The following TBCD variants were observed in gnomAD, a reference collection of about 807,000 sequenced individuals.
The protein encoded by TBCD is tubulin-specific chaperone D.
TBCD carries 105 observed loss-of-function variants against 169.3 expected under a neutral mutation model. The ratio of observed to expected loss-of-function variants is 0.62; its 90% CI spans 0.53 to 0.73. TBCD has a LOEUF of 0.73. Among genes scored for constraint, TBCD ranks in the 30% least tolerant of loss-of-function variants. The pLI, the probability that TBCD is intolerant of heterozygous loss-of-function variation, is 0.00. For synonymous variants in TBCD, 700 were observed against 643.9 expected (o/e 1.09, Z -1.32); for missense variants, 1,444 against 1,600.1 (o/e 0.90, Z 1.66).
chr17:82,821,010 C>T (rs1459266443), intron 13 of TBCD, among the ~76,000 whole-genome samples: 1 of 152,156 alleles, frequency 6.6e-6, no homozygotes, highest in African/African-American at 2.4e-5. Flanking sequence ...GGCTGGAGTG[C>T]AGTGGTGGTA....
At position 82,764,006 on chromosome 17, in the gene TBCD, A is replaced by G. The variant is rs2047902527; in HGVS notation, c.277A>G (p.Thr93Ala). Residue 93 changes from threonine to alanine, a missense_variant, in exon 3 of 39, where the codon ACA (threonine) becomes GCA (alanine). Transcript: ENST00000355528. ...GTTGTTGGACATAGTGCAAGATCAG[A>G]CATCTCCAGCTTCCCTTGTACATCT... ...NLLLDIVQDQTSPASLVHLAF... is the reference protein window; with the variant it reads ...NLLLDIVQDQASPASLVHLAF... The G allele has an allele frequency of 6.2e-7, 1 of 1,613,894 alleles. No individual in the cohort carries two copies. The highest frequency in any genetic ancestry group is 8.5e-7 in the Non-Finnish European group (1 of 1,179,894).
chr17:82,866,380 G>A (rs1202086280), intron 13 of TBCD, among the ~76,000 whole-genome samples: 1 of 152,206 alleles, frequency 6.6e-6, no homozygotes, highest in African/African-American at 2.4e-5. Flanking sequence ...TAAGGAAATT[G>A]ATCATCTCAC....
At chr17:82,772,907 G>A (rs1228948674) in intron 6 of TBCD, among the ~76,000 whole-genome samples, 5 of 152,154 alleles carry the variant, frequency 3.3e-5, no homozygotes, top group Admixed American at 2.0e-4. Context: ...ATCCCCCAAC[G>A]TCCTGTATTA....
chr17:82,814,105 C>T (rs1291130729), intron 12 of TBCD, among the ~76,000 whole-genome samples: 1 of 152,160 alleles, frequency 6.6e-6, no homozygotes, highest in Non-Finnish European at 1.5e-5. Context: ...ATGGCCATTG[C>T]AATTGTTCAT....
At chr17:82,892,635 C>T (rs1372322078) in intron 16 of TBCD, among the ~76,000 whole-genome samples, 1 of 152,092 alleles carries the variant, frequency 6.6e-6, no homozygotes, top group East Asian at 1.9e-4. Flanking sequence ...TTTTAATGGT[C>T]AAGTGCAGGG....
At chr17:82,809,897 A>G (rs2051301265) in intron 12 of TBCD, 115 bp downstream of exon 12, 1 of 930,716 alleles carries the variant, frequency 1.1e-6, no homozygotes, top group Admixed American at 2.7e-5. Flanking sequence ...GAACTCCAGA[A>G]GCTCTTTTTT....
chr17:82,919,835 C>T (rs1026035549), intron 23 of TBCD, among the ~76,000 whole-genome samples: 1 of 152,070 alleles, frequency 6.6e-6, no homozygotes, highest in African/African-American at 2.4e-5. Flanking sequence ...CCAGGTGGAC[C>T]GACGGCCTCC....
At chr17:82,816,227 C>G (rs919294148) in intron 13 of TBCD, among the ~76,000 whole-genome samples, 13 of 152,208 alleles carry the variant, frequency 8.5e-5, no homozygotes, top group African/African-American at 2.9e-4. Flanking sequence ...CTCCTTCCTT[C>G]CTGTGGCAGA....
At chr17:82,905,547 G>A (rs911124120) in intron 19 of TBCD, among the ~76,000 whole-genome samples, 2 of 120,688 alleles carry the variant, frequency 1.7e-5, no homozygotes, top group Non-Finnish European at 3.4e-5. Context: ...CCCACAGGTC[G>A]TCCGTGTGTG....
intron 13 of TBCD, among the ~76,000 whole-genome samples, chr17:82,844,901 G>A (rs1301011738): frequency 2.6e-5 from 4 of 152,164 alleles, no homozygotes; most frequent in Admixed American, 1.3e-4. Context: ...GAAGCACCAC[G>A]CACCTGGCCT....
In TBCD at chr17:82,942,771, C is replaced by G. The variant is rs932786220; in HGVS notation, c.*308C>G. On this transcript the variant is annotated 3_prime_UTR_variant, in exon 39 of 39. Transcript: ENST00000355528. The stretch of plus-strand genomic sequence containing the variant: ...ATGGAAAGGCTCACTGCCCAGGGGT[C>G]AGCCAGAGGGGAGGTGGGCTGCACT... The G allele has an allele frequency of 2.1e-6, 1 of 476,048 alleles. No homozygotes were observed. The highest frequency in any genetic ancestry group is 3.7e-6 in the Non-Finnish European group (1 of 268,178). The allele number at this position is 476,048 out of a possible 1,614,324, so 29.5% of individuals were successfully genotyped here. A position where few individuals can be genotyped will look rare whatever the true frequency, so the allele number is the denominator to read the frequency against.
At chr17:82,857,959 C>T (rs925920328) in intron 13 of TBCD, among the ~76,000 whole-genome samples, 1 of 151,890 alleles carries the variant, frequency 6.6e-6, no homozygotes, top group African/African-American at 2.4e-5. Context: ...GTCACTCAGG[C>T]AGGAGTACAG....
rs769933604 is a variant in TBCD, at chr17:82,929,429, G to C, written c.2920G>C (p.Gly974Arg). The change falls in exon 32 of 39, where the codon GGG becomes CGG. Residue 974 changes from glycine (G) to arginine (R), a missense_variant. Physicochemically the swap from Gly to Arg is moderately radical, Grantham distance 125. Coordinates refer to ENST00000355528, the MANE Select transcript of TBCD (RefSeq NM_005993.5). ...CTTCCCACGCATCACCCAGCTCCTT[G>C]GGCTGCCCACCTACCGCTACCACGT... ...QAFPRITQLLGLPTYRYHVLL... is the reference protein window; with the variant it reads ...QAFPRITQLLRLPTYRYHVLL... 38 of 1,612,392 alleles carry C rather than the reference G, an allele frequency of 2.4e-5. No homozygotes were observed. The highest frequency in any genetic ancestry group is 3.0e-5 in the Non-Finnish European group (35 of 1,179,890).
intron 34 of TBCD, among the ~76,000 whole-genome samples, chr17:82,936,214 G>C (rs1354020661): frequency 1.3e-5 from 2 of 152,106 alleles, no homozygotes; most frequent in Non-Finnish European, 2.9e-5. Context: ...CATTACCTTT[G>C]GCCCGCCTGC....
chr17:82,758,382 C>CG (rs201306976), intron 2 of TBCD, among the ~76,000 whole-genome samples: 1,976 of 5,296 alleles, frequency 0.37, 72 homozygotes, highest in African/African-American at 0.45. Context: ...GAAAACGTCT[C>CG]GGAAAAAAAA....
chr17:82,823,696 T>C (rs553356801), intron 13 of TBCD, among the ~76,000 whole-genome samples: 1 of 152,218 alleles, frequency 6.6e-6, no homozygotes, highest in African/African-American at 2.4e-5. Context: ...TTTATTGATA[T>C]GTAATTCGTC....
At chr17:82,863,383 C>T (rs1280251325) in intron 13 of TBCD, among the ~76,000 whole-genome samples, 2 of 152,190 alleles carry the variant, frequency 1.3e-5, no homozygotes, top group Non-Finnish European at 2.9e-5. Flanking sequence ...CAGGACCCTT[C>T]AGTGATGAGG....
chr17:82,774,892 C>G (rs1428033093), intron 6 of TBCD, among the ~76,000 whole-genome samples: 7 of 152,256 alleles, frequency 4.6e-5, no homozygotes, highest in African/African-American at 1.7e-4. Context: ...GAAGTTCTTT[C>G]CCCGTCTTTT....
rs987049340 is a variant in TBCD at position 82,807,622 on chromosome 17, G to T, written c.1102G>T (p.Gly368Trp). 1.9e-6 allele frequency: 3 copies of T among 1,546,438 alleles called. No individual in the cohort carries two copies. The highest frequency in any genetic ancestry group is 2.4e-5 in the East Asian group (1 of 41,116). The change falls in exon 11 of 39, where the codon GGG becomes TGG. Residue 368 changes from glycine to tryptophan, a missense_variant. By Grantham distance (184) the Gly-to-Trp change is radical. Coordinates refer to ENST00000355528, the MANE Select transcript of TBCD (RefSeq NM_005993.5). The part of the protein sequence containing the change: ...VERVIEQLLV[G>W]LKDKDTVVRW... ...TCTTCCTACAGAGCAGCTGCTGGTC[G>T]GGCTGAAGGACAAGGACACGGTCGT...
Sources: gnomAD v4.1 joint callset for allele counts (sites outside exome capture counted in the v4.1 genomes callset) on GRCh38, gnomAD v4.1.1 for gene constraint, MANE v1.5 for transcripts, NCBI Gene and HGNC (gene_info 2026-07-23, HGNC 2026-07-21) for gene names.